The following CPVL variants were observed in gnomAD, a reference collection of about 807,000 sequenced individuals.
The protein encoded by CPVL is carboxypeptidase vitellogenic like.
Under a neutral mutation model 63.7 loss-of-function variants are expected in CPVL, and 51 were observed. That is an observed-to-expected ratio of 0.80 (90% CI 0.64 to 1.01). The LOEUF is 1.01. Ranked by LOEUF, CPVL falls within the 50% of genes least tolerant of loss-of-function variation. CPVL has a pLI of 0.00. For missense variants in CPVL, 530 were observed against 573.1 expected, an observed-to-expected ratio of 0.92 and a Z score of 0.77; for synonymous variants, 195 against 206.0, an observed-to-expected ratio of 0.95 and a Z score of 0.46.
At chr7:29,101,729 TC>T in intron 3 of CPVL, among the ~76,000 whole-genome samples, 1 of 152,298 alleles carries the variant, frequency 6.6e-6, no homozygotes, top group South Asian at 2.1e-4. Context: ...AAATTCTACT[TC>T]CTAGAGATGA....
At chr7:29,019,725 A>G (rs1485410804) in intron 12 of CPVL, among the ~76,000 whole-genome samples, 1 of 152,212 alleles carries the variant, frequency 6.6e-6, no homozygotes. Flanking sequence ...CTTGGACAGT[A>G]TTCTTAGATA....
chr7:29,180,833 G>A lies in CPVL; in HGVS notation c.-11+457C>T, dbSNP rs149465815. 5.9e-3 allele frequency among the ~76,000 whole-genome samples: 905 copies of A among 152,282 alleles called. 7 individuals carry two copies. The highest frequency in any genetic ancestry group is 0.02 in the African/African-American group (845 of 41,568). ...ATGTTGGACAAGACTCGTATCATCC[G>A]TATACCTCTTGGAGTTCTAATTTGT... On this transcript the variant is annotated intron_variant, in intron 5 of 16. Coordinates refer to the CPVL transcript ENST00000409850.
intron 5 of CPVL, among the ~76,000 whole-genome samples, chr7:29,152,860 A>G (rs560712424): frequency 1.3e-5 from 2 of 152,332 alleles, no homozygotes; most frequent in South Asian, 4.1e-4. Context: ...CATATTTGCA[A>G]ATTCTCCTCC....
intron 11 of CPVL, among the ~76,000 whole-genome samples, chr7:29,046,373 C>G (rs893846623): frequency 6.6e-6 from 1 of 152,120 alleles, no homozygotes; most frequent in East Asian, 1.9e-4. Flanking sequence ...CGTCAGCCAC[C>G]GCGCCCGACC....
At chr7:29,057,980 T>G (rs1053280803) in intron 11 of CPVL, among the ~76,000 whole-genome samples, 2 of 152,208 alleles carry the variant, frequency 1.3e-5, no homozygotes, top group African/African-American at 4.8e-5. Flanking sequence ...TTTATTCCTC[T>G]TGTTCAATGT....
intron 1 of CPVL, chr7:29,125,192 T>A (rs1286179371): frequency 6.6e-6 from 1 of 152,170 alleles, no homozygotes; most frequent in Admixed American, 6.5e-5. Context: ...GCAAATATTA[T>A]TGAATTGATG....
intron 12 of CPVL, among the ~76,000 whole-genome samples, chr7:29,024,053 A>G (rs1371355537): frequency 6.6e-6 from 1 of 152,228 alleles, no homozygotes; most frequent in Non-Finnish European, 1.5e-5. Flanking sequence ...AAAGAAGCTT[A>G]GCGAGATACA....
chr7:29,148,435 G>C (rs1421201476), upstream of CPVL: 2 of 152,214 alleles, frequency 1.3e-5, no homozygotes, highest in Admixed American at 6.5e-5. Flanking sequence ...CCATTTGAAA[G>C]TTAATTTAAC....
chr7:29,062,014 C>T (rs1486793727), intron 11 of CPVL, among the ~76,000 whole-genome samples: 1 of 150,978 alleles, frequency 6.6e-6, no homozygotes, highest in Admixed American at 6.6e-5. Context: ...ACATATCAAA[C>T]TTATCTGCTC....
intron 11 of CPVL, among the ~76,000 whole-genome samples, chr7:29,056,821 A>T (rs1790778515): frequency 6.6e-6 from 1 of 152,174 alleles, no homozygotes; most frequent in African/African-American, 2.4e-5. Flanking sequence ...ATTGCTCCAC[A>T]TCCTTGTAAG....
At chr7:29,076,958 A>C (rs907232446) in intron 7 of CPVL, among the ~76,000 whole-genome samples, 8 of 152,292 alleles carry the variant, frequency 5.3e-5, no homozygotes, top group Admixed American at 1.3e-4. Context: ...AAATAGAGAG[A>C]ATGCAATGTT....
intron 1 of CPVL, among the ~76,000 whole-genome samples, chr7:29,127,841 CTT>C (rs1458211499): frequency 6.6e-6 from 1 of 152,186 alleles, no homozygotes; most frequent in African/African-American, 2.4e-5. Flanking sequence ...AGATCACACT[CTT>C]TTGTCCTCCA....
chr7:29,072,484 C>A, intron 7 of CPVL, 61 bp from the exon 8 acceptor site: 6 of 1,571,646 alleles, frequency 3.8e-6, no homozygotes, highest in Non-Finnish European at 5.2e-6. Context: ...ATTAAATGTA[C>A]TTAAGCTAAT....
At chr7:29,055,909 C>G (rs1790686714) in intron 11 of CPVL, among the ~76,000 whole-genome samples, 1 of 152,156 alleles carries the variant, frequency 6.6e-6, no homozygotes, top group Non-Finnish European at 1.5e-5. Context: ...TTCACAGAGT[C>G]TACTTTACCA....
chr7:29,005,154 C>T (rs1330416184), intron 12 of CPVL, among the ~76,000 whole-genome samples: 2 of 152,010 alleles, frequency 1.3e-5, no homozygotes, highest in African/African-American at 4.8e-5. Context: ...CCTGCCTCGG[C>T]CTCCCAAAGT....
intron 6 of CPVL, among the ~76,000 whole-genome samples, 157 bp from the exon 7 acceptor site, chr7:29,086,707 C>A (rs1287771411): frequency 6.6e-6 from 1 of 152,170 alleles, no homozygotes; most frequent in Non-Finnish European, 1.5e-5. Context: ...TTTATTTACA[C>A]AATACATGTG....
intron 3 of CPVL, among the ~76,000 whole-genome samples, chr7:29,105,718 C>T (rs1787657483): frequency 6.6e-6 from 1 of 152,118 alleles, no homozygotes; most frequent in Non-Finnish European, 1.5e-5. Flanking sequence ...AGTGTTTACT[C>T]TGGCCCCAGC....
chr7:29,129,648 T>C (rs1019355226), intron 1 of CPVL, among the ~76,000 whole-genome samples: 1 of 152,048 alleles, frequency 6.6e-6, no homozygotes, highest in Non-Finnish European at 1.5e-5. Flanking sequence ...TTTTGCATTT[T>C]AGTAGAGGTG....
chr7:29,037,169 T>C (rs1788610401), intron 11 of CPVL, among the ~76,000 whole-genome samples: 1 of 152,174 alleles, frequency 6.6e-6, no homozygotes, highest in Admixed American at 6.5e-5. Context: ...TGGGTTTGAA[T>C]CTGACCCCTG....
Sources: allele counts gnomAD v4.1 joint callset (sites outside exome capture counted in the v4.1 genomes callset), GRCh38; gene constraint gnomAD v4.1.1; transcripts MANE v1.5; gene names NCBI Gene and HGNC (gene_info 2026-07-23, HGNC 2026-07-21).